Variants in CARS1 observed in about 807,000 individuals in gnomAD.
CARS1 encodes cysteine--tRNA ligase, cytoplasmic.
Under a neutral mutation model 106.2 loss-of-function variants are expected in CARS1, and 48 were observed. The observed-to-expected ratio is 0.45, with a 90% CI of 0.36 to 0.57. CARS1 has a LOEUF of 0.57. CARS1 is among the 20% of genes least tolerant of loss of function. The pLI is 0.00. For missense variants in CARS1, 968 were observed against 1,057.2 expected, an observed-to-expected ratio of 0.92 and a Z score of 1.17; for synonymous variants, 409 against 403.4, an observed-to-expected ratio of 1.01 and a Z score of -0.17.
intron 17 of CARS1, 104 bp from the exon 18 acceptor site, chr11:3,012,380 G>T: frequency 1.0e-6 from 1 of 979,506 alleles, no homozygotes; most frequent in Non-Finnish European, 1.6e-6. Flanking sequence ...ACTGGCATGG[G>T]CAGTGCTGCT....
Position 3,021,298 on chromosome 11 carries a change from A to C in CARS1, c.1154-966T>G, listed in dbSNP as rs1053922816. 6.6e-6 allele frequency among the ~76,000 whole-genome samples: 1 copy of C among 152,234 alleles called. No individual in the cohort carries two copies. On this transcript the variant is annotated intron_variant, in intron 10 of 22. Coordinates refer to ENST00000380525, the MANE Select transcript of CARS1 (RefSeq NM_001014437.3). The surrounding 1 kb of genome is among the most constrained non-coding windows in gnomAD (Gnocchi z 5.3). ...CAGAGCAGAGGTCTTCACTCTAGGC[A>C]TAAGGTTACCAGGACCCACGCCAGG...
chr11:3,049,315 C>T (rs1467490763), intron 1 of CARS1, among the ~76,000 whole-genome samples: 3 of 152,138 alleles, frequency 2.0e-5, no homozygotes, highest in Admixed American at 6.5e-5. Flanking sequence ...GTCACCTCTG[C>T]TGAACTGGCA....
chr11:3,031,779 T>A (rs1852797124), intron 7 of CARS1, among the ~76,000 whole-genome samples: 1 of 152,114 alleles, frequency 6.6e-6, no homozygotes, highest in Admixed American at 6.5e-5. Context: ...TAACAGAGAT[T>A]GCTGCAGGCT....
chr11:3,049,437 G>C (rs1200255718), intron 1 of CARS1, among the ~76,000 whole-genome samples: 1 of 152,238 alleles, frequency 6.6e-6, no homozygotes, highest in Non-Finnish European at 1.5e-5. Flanking sequence ...TGGACCAGGT[G>C]CTGTGTCCAC....
At chr11:3,049,864 G>A (rs116167128) in intron 1 of CARS1, among the ~76,000 whole-genome samples, 1 of 152,254 alleles carries the variant, frequency 6.6e-6, no homozygotes, top group Non-Finnish European at 1.5e-5. Context: ...TGAAAACAGA[G>A]AGCAGAGTGT....
Position 3,018,425 on chromosome 11 carries a change from A to G in CARS1, c.1612T>C (p.Tyr538His). ...GGACTCACATTCAAGAACTTCTCAT[A>G]TTGAAGCGCTGACTCCATGGTGTTG... ...SSNTMESALQYEKFLNEFFLN... is the reference protein window; with the variant it reads ...SSNTMESALQHEKFLNEFFLN... Residue 538 changes from tyrosine to histidine, a missense_variant, in exon 14 of 23, where the codon TAT becomes CAT. By Grantham distance (83) the Tyr-to-His change is moderately conservative (BLOSUM62 2). Transcript: ENST00000380525. 1 of 1,613,422 alleles carries G rather than the reference A, an allele frequency of 6.2e-7. No individual in the cohort carries two copies. The highest frequency in any genetic ancestry group is 1.1e-5 in the South Asian group (1 of 91,064).
Position 3,039,260 on chromosome 11 carries a change from G to T in CARS1, c.585C>A (p.Phe195Leu). 6.2e-7 allele frequency: 1 copy of T among 1,613,596 alleles called. No individual in the cohort carries two copies. The part of the protein sequence containing the change: ...IIKRARQNHL[F>L]EQYREKRPEA... ...CAGGCCTCTTCTCCCGATACTGCTCGAACAGGTGGTTCTGCCGGGCCCTCT... is the reference window on the plus strand; with the variant it reads ...CAGGCCTCTTCTCCCGATACTGCTCTAACAGGTGGTTCTGCCGGGCCCTCT... Residue 195 changes from phenylalanine (F) to leucine (L), a missense_variant, in exon 6 of 23, where the codon TTC (phenylalanine) becomes TTA (leucine). By Grantham distance (22) the Phe-to-Leu change is conservative (BLOSUM62 0). Coordinates refer to ENST00000380525, the MANE Select transcript of CARS1 (RefSeq NM_001014437.3). The surrounding 1 kb of genome is among the most constrained non-coding windows in gnomAD (Gnocchi z 5.6).
intron 17 of CARS1, among the ~76,000 whole-genome samples, chr11:3,013,104 G>T (rs1024145283): frequency 3.3e-5 from 5 of 151,088 alleles, no homozygotes; most frequent in Non-Finnish European, 7.4e-5. Flanking sequence ...TGGCCAGGAT[G>T]GTCTCAATCT....
Position 3,041,214 on chromosome 11 carries a change from G to T in CARS1, c.367-230C>A. On this transcript the variant is annotated intron_variant, in intron 3 of 22. Coordinates refer to ENST00000380525, the MANE Select transcript of CARS1 (RefSeq NM_001014437.3). This position sits in a 1 kb window ranked among gnomAD's most constrained non-coding sequence, Gnocchi z 4.9. ...TGGGTGGGGCCTCTTCCTCCCTGGGGTTCTACTCATCTATGGAGGGAGGCG... is the reference window on the plus strand; with the variant it reads ...TGGGTGGGGCCTCTTCCTCCCTGGGTTTCTACTCATCTATGGAGGGAGGCG... 1.9e-6 allele frequency: 1 copy of T among 538,930 alleles called. No individual in the cohort carries two copies. The highest frequency in any genetic ancestry group is 3.3e-6 in the Non-Finnish European group (1 of 305,048). 33.4% of individuals were successfully genotyped at this position (538,930 alleles called of 1,614,324 possible). A position where few individuals can be genotyped will look rare whatever the true frequency, so the allele number is the denominator to read the frequency against.
At chr11:3,007,113 A>G (rs1024798405) in intron 18 of CARS1, 154 bp from the exon 19 acceptor site, 14 of 646,276 alleles carry the variant, frequency 2.2e-5, no homozygotes, top group African/African-American at 5.4e-5. Flanking sequence ...CCACAGAACG[A>G]GTACCTCCTC....
intron 7 of CARS1, among the ~76,000 whole-genome samples, chr11:3,033,470 T>A (rs1853146535): frequency 1.3e-5 from 2 of 152,220 alleles, no homozygotes; most frequent in South Asian, 4.1e-4. Context: ...TCTAAGTAAT[T>A]CTAGATAATT....
At position 3,039,655 on chromosome 11, in the gene CARS1, T is replaced by C. The variant is rs1010818154; in HGVS notation, c.552+180A>G. ...GGTTTCTAACCGTGTCTGAACATCA[T>C]AGAAATGATCATATCAGTAGCAGAA... On this transcript the variant is annotated intron_variant, in intron 5 of 22. Coordinates refer to ENST00000380525, the MANE Select transcript of CARS1 (RefSeq NM_001014437.3). The surrounding 1 kb of genome is among the most constrained non-coding windows in gnomAD (Gnocchi z 5.6). Among the ~76,000 whole-genome samples the C allele has an allele frequency of 2.0e-5, 3 of 152,178 alleles. No homozygotes were observed. The highest frequency in any genetic ancestry group is 6.5e-5 in the Admixed American group (1 of 15,274).
rs1849707074 is a variant in CARS1 at position 3,004,848 on chromosome 11, C to T, written c.2217+518G>A. Among the ~76,000 whole-genome samples, 2 of 152,152 alleles carry T rather than the reference C, an allele frequency of 1.3e-5. No homozygotes were observed. Among genetic ancestry groups the T allele is most frequent in the African/African-American group, 4.8e-5 (2 of 41,424 alleles). Reference sequence around the variant, plus strand: ...TCGGGCCAGGCGTGGTGGCTCAAGCCTGTAATCCCAGCACTTTGGGAGGCC... The same window carrying T: ...TCGGGCCAGGCGTGGTGGCTCAAGCTTGTAATCCCAGCACTTTGGGAGGCC... On this transcript the variant is annotated intron_variant, in intron 20 of 22. Coordinates refer to ENST00000380525, the MANE Select transcript of CARS1 (RefSeq NM_001014437.3). The surrounding 1 kb of genome is among the most constrained non-coding windows in gnomAD (Gnocchi z 5.2).
intron 1 of CARS1, among the ~76,000 whole-genome samples, chr11:3,055,562 G>A (rs1376126857): frequency 1.3e-5 from 2 of 152,256 alleles, no homozygotes; most frequent in South Asian, 2.1e-4. Context: ...GATGCTGTGC[G>A]CAGGCTGAGG....
intron 10 of CARS1, among the ~76,000 whole-genome samples, chr11:3,025,974 G>A (rs1271071251): frequency 6.6e-6 from 1 of 152,194 alleles, no homozygotes; most frequent in Non-Finnish European, 1.5e-5. Context: ...AGACAGCACT[G>A]CGTTTACTGT....
Position 3,026,225 on chromosome 11 carries a change from T to C in CARS1, c.1153+451A>G, listed in dbSNP as rs149199611. ...GTCAGGGGCAGTGAGTGGAGAGAGG[T>C]TGGTTTCTAGGCACAAACACACAGA... is the stretch of plus-strand genomic sequence containing the variant. On this transcript the variant is annotated intron_variant, in intron 10 of 22. Transcript: ENST00000380525. 2.1e-3 allele frequency among the ~76,000 whole-genome samples: 312 copies of C among 152,074 alleles called. 2 individuals carry two copies. The highest frequency in any genetic ancestry group is 7.2e-3 in the African/African-American group (297 of 41,480).
At position 3,048,748 on chromosome 11, in the gene CARS1, TG is replaced by T. The variant is rs1421650650; in HGVS notation, c.26-748del. Among the ~76,000 whole-genome samples the T allele has an allele frequency of 3.3e-5, 5 of 152,204 alleles. No homozygotes were observed. Among genetic ancestry groups the T allele is most frequent in the South Asian group, 4.1e-4 (2 of 4,834 alleles). On this transcript the variant is annotated intron_variant, in intron 1 of 22. Transcript: ENST00000380525. The surrounding 1 kb of genome is among the most constrained non-coding windows in gnomAD (Gnocchi z 5.1). ...GTCAAGGCCACAGCCTCAGGAGGACTGGGCCCCCTCAAAGGACCAGCCCAAG... is the reference window on the plus strand; with the variant it reads ...GTCAAGGCCACAGCCTCAGGAGGACTGGCCCCCTCAAAGGACCAGCCCAAG...
intron 10 of CARS1, among the ~76,000 whole-genome samples, chr11:3,025,326 C>T (rs974435814): frequency 1.3e-5 from 2 of 152,204 alleles, no homozygotes; most frequent in African/African-American, 4.8e-5. Flanking sequence ...CTCCTGGGTT[C>T]AAGTGATTCT....
At chr11:3,056,441 C>G (rs1320507821) in intron 1 of CARS1, among the ~76,000 whole-genome samples, 1 of 152,210 alleles carries the variant, frequency 6.6e-6, no homozygotes, top group African/African-American at 2.4e-5. Context: ...GAGAGAAGAA[C>G]CCACTGGTCT....
Sources: allele counts gnomAD v4.1 joint callset (sites outside exome capture counted in the v4.1 genomes callset), GRCh38; gene constraint gnomAD v4.1.1; non-coding constraint Gnocchi (gnomAD v3.1); transcripts MANE v1.5; gene names NCBI Gene and HGNC (gene_info 2026-07-23, HGNC 2026-07-21).